SH3D19: variants seen among roughly 807,000 people sequenced by gnomAD.
SH3D19 encodes the protein SH3 domain-containing protein 19.
SH3D19 carries 58 observed loss-of-function variants against 112.1 expected under a neutral mutation model. The ratio of observed to expected loss-of-function variants is 0.52; its 90% CI spans 0.42 to 0.64. The LOEUF (loss-of-function observed/expected upper bound fraction) is 0.64. Ranked by LOEUF, SH3D19 falls within the 30% of genes least tolerant of loss-of-function variation. SH3D19 has a pLI of 0.00. For missense variants in SH3D19, 1,090 were observed against 1,263.4 expected (o/e 0.86, Z 2.08); for synonymous variants, 391 against 448.5 (o/e 0.87, Z 1.62).
chr4:151,307,175 C>T (rs1055831738), intron 1 of SH3D19, among the ~76,000 whole-genome samples: 18 of 151,834 alleles, frequency 1.2e-4, no homozygotes, highest in African/African-American at 2.9e-4. Flanking sequence ...CCCGCCACTA[C>T]GCCCGGCTAA....
At chr4:151,195,745 A>C (rs1763365619) in intron 2 of SH3D19, among the ~76,000 whole-genome samples, 1 of 152,112 alleles carries the variant, frequency 6.6e-6, no homozygotes, top group African/African-American at 2.4e-5. Context: ...TAAATTAAAA[A>C]AATAATTACA....
At chr4:151,306,753 A>T (rs1728955278) in intron 1 of SH3D19, among the ~76,000 whole-genome samples, 1 of 152,214 alleles carries the variant, frequency 6.6e-6, no homozygotes, top group South Asian at 2.1e-4. Context: ...AACGCGCTGT[A>T]ATTAAGGTTT....
intron 1 of SH3D19, among the ~76,000 whole-genome samples, chr4:151,246,993 G>A (rs1770991751): frequency 6.6e-6 from 1 of 152,224 alleles, no homozygotes. Flanking sequence ...AAGTGACGGT[G>A]CTGGGGTTCC....
chr4:151,175,357 T>A lies in SH3D19; in HGVS notation c.847A>T (p.Ile283Phe), dbSNP rs369878668. 1.9e-6 allele frequency: 3 copies of A among 1,605,576 alleles called. No homozygotes were observed. The South Asian group carries it at 3.4e-5, about 18-fold the overall frequency. The change falls in exon 7 of 20, where the codon ATT becomes TTT. Residue 283 changes from isoleucine to phenylalanine, a missense_variant. By Grantham distance (21) the Ile-to-Phe change is conservative (BLOSUM62 0). Coordinates refer to ENST00000604030, the MANE Select transcript of SH3D19 (RefSeq NM_001378122.1). ...STSDSQAVMN[I>F]MNTEQSQNSI... ...TTTTGGCTTTGTTCTGTGTTCATAATGTTCATCACTGCCTGACTGTCTGAG... is the reference window on the plus strand; with the variant it reads ...TTTTGGCTTTGTTCTGTGTTCATAAAGTTCATCACTGCCTGACTGTCTGAG...
intron 1 of SH3D19, among the ~76,000 whole-genome samples, chr4:151,283,508 C>CTT (rs5862956): frequency 8.7e-5 from 11 of 126,522 alleles, no homozygotes; most frequent in African/African-American, 3.0e-4. Context: ...GGTCATTGGA[C>CTT]TTTTTTTTTT....
chr4:151,199,041 G>C (rs1482191650), intron 2 of SH3D19, among the ~76,000 whole-genome samples: 2 of 140,862 alleles, frequency 1.4e-5, no homozygotes, highest in Non-Finnish European at 3.1e-5. Flanking sequence ...TTTTTGCAAA[G>C]CCACTGGAGA....
intron 1 of SH3D19, chr4:151,283,229 C>T (rs1580401232): frequency 6.2e-7 from 1 of 1,613,782 alleles, no homozygotes; most frequent in Non-Finnish European, 8.5e-7. Context: ...TGGAGCCAGT[C>T]ATCAAGGAAG....
intron 2 of SH3D19, among the ~76,000 whole-genome samples, chr4:151,218,940 T>C (rs536619410): frequency 3.4e-4 from 52 of 152,314 alleles, no homozygotes; most frequent in African/African-American, 1.2e-3. Context: ...ATTTGACCCA[T>C]TTGCTGACTT....
chr4:151,161,822 T>C (rs1213059838), intron 8 of SH3D19, among the ~76,000 whole-genome samples: 7 of 148,454 alleles, frequency 4.7e-5, no homozygotes, highest in Admixed American at 3.4e-4. Flanking sequence ...TGGAATGTGG[T>C]GGCATGATCT....
At chr4:151,176,054 C>T (rs926111863) in intron 6 of SH3D19, among the ~76,000 whole-genome samples, 2 of 151,938 alleles carry the variant, frequency 1.3e-5, no homozygotes, top group African/African-American at 4.8e-5. Flanking sequence ...CATTTTTTTG[C>T]AGAGATGGGA....
At chr4:151,212,422 CGT>C (rs1766113225) in intron 2 of SH3D19, among the ~76,000 whole-genome samples, 1 of 152,132 alleles carries the variant, frequency 6.6e-6, no homozygotes, top group Non-Finnish European at 1.5e-5. Flanking sequence ...TGGGATTATA[CGT>C]GTGAGGGGCA....
intron 3 of SH3D19, among the ~76,000 whole-genome samples, chr4:151,181,889 C>T: frequency 6.6e-6 from 1 of 152,096 alleles, no homozygotes; most frequent in Non-Finnish European, 1.5e-5. Context: ...GTTGATGATC[C>T]ACAGATTCAG....
intron 2 of SH3D19, among the ~76,000 whole-genome samples, chr4:151,211,956 A>C (rs1766043903): frequency 6.6e-6 from 1 of 152,220 alleles, no homozygotes; most frequent in African/African-American, 2.4e-5. Flanking sequence ...ATGATTGGTA[A>C]AGGTGGCTAC....
chr4:151,167,032 C>G (rs1372357477), intron 7 of SH3D19, among the ~76,000 whole-genome samples: 1 of 151,878 alleles, frequency 6.6e-6, no homozygotes. Context: ...CCCCAGATGG[C>G]AAGCTAGCTA....
chr4:151,236,034 C>T lies in SH3D19; in HGVS notation c.113-9948G>A, dbSNP rs10016998. Among the ~76,000 whole-genome samples, 5 of 152,244 alleles carry T rather than the reference C, an allele frequency of 3.3e-5. 1 individual carries two copies. In the South Asian group the frequency reaches 1.0e-3, roughly 32 times the overall value. On this transcript the variant is annotated intron_variant, in intron 1 of 19. Transcript: ENST00000604030. ...GCTCCAAGTGCCAAAGCCAGTGGGA[C>T]GCAATGATAAATCAGTCTCCCCTCC... is the stretch of plus-strand genomic sequence containing the variant.
intron 1 of SH3D19, among the ~76,000 whole-genome samples, chr4:151,286,133 T>C (rs1264191104): frequency 1.4e-5 from 2 of 145,174 alleles, no homozygotes; most frequent in Non-Finnish European, 3.0e-5. Context: ...GTGAGCTATA[T>C]TTGCACCACT....
chr4:151,172,327 T>C (rs1310974863), intron 7 of SH3D19, among the ~76,000 whole-genome samples: 2 of 152,102 alleles, frequency 1.3e-5, no homozygotes, highest in Non-Finnish European at 2.9e-5. Flanking sequence ...AGGGCATAAG[T>C]AGGGAGGCAA....
At chr4:151,215,343 G>A (rs377443534) in intron 2 of SH3D19, among the ~76,000 whole-genome samples, 45 of 152,346 alleles carry the variant, frequency 3.0e-4, no homozygotes, top group African/African-American at 1.0e-3. Context: ...CTTTAAGTCC[G>A]CCTGTCATTC....
chr4:151,148,883 C>T (rs569944144), intron 10 of SH3D19, among the ~76,000 whole-genome samples: 4 of 151,762 alleles, frequency 2.6e-5, no homozygotes, highest in African/African-American at 9.7e-5. Context: ...ATTAAAAATA[C>T]AAAAATTAGC....
Sources: allele counts gnomAD v4.1 joint callset (sites outside exome capture counted in the v4.1 genomes callset), GRCh38; gene constraint gnomAD v4.1.1; transcripts MANE v1.5; gene names NCBI Gene and HGNC (gene_info 2026-07-23, HGNC 2026-07-21).